ZNF521: variants seen among roughly 807,000 people sequenced by gnomAD.
The protein encoded by ZNF521 is LYST-interacting protein 3.
ZNF521 carries 14 observed loss-of-function variants against 105.5 expected under a neutral mutation model. The observed-to-expected ratio is 0.13, with a 90% confidence interval of 0.09 to 0.21. The LOEUF (loss-of-function observed/expected upper bound fraction) is 0.21. ZNF521 is among the 10% of genes least tolerant of loss of function. The pLI, the probability that ZNF521 is intolerant of heterozygous loss-of-function variation, is 1.00. For synonymous variants in ZNF521, 635 were observed against 606.0 expected (o/e 1.05, Z -0.70); for missense variants, 1,233 against 1,629.7 (o/e 0.76, Z 4.19).
In ZNF521 at chr18:25,286,870, G is replaced by C. The variant is rs1910734270; in HGVS notation, c.220+35138C>G. ...TAACACAAGATCCTCGGACTCCCTGGACTGAGGAAATGAAAGCACATACAA... is the reference window on the plus strand; with the variant it reads ...TAACACAAGATCCTCGGACTCCCTGCACTGAGGAAATGAAAGCACATACAA... On this transcript the variant is annotated intron_variant, in intron 3 of 7. Transcript: ENST00000361524. 2.0e-5 allele frequency among the ~76,000 whole-genome samples: 3 copies of C among 152,160 alleles called. No homozygotes were observed. The South Asian group carries it at 6.2e-4, about 32-fold the overall frequency.
Position 25,235,514 on chromosome 18 carries a change from T to A in ZNF521, c.221-7817A>T, listed in dbSNP as rs1387408134. 2.0e-5 allele frequency among the ~76,000 whole-genome samples: 3 copies of A among 152,162 alleles called. No individual in the cohort carries two copies. The South Asian group carries it at 6.2e-4, about 31-fold the overall frequency. On this transcript the variant is annotated intron_variant, in intron 3 of 7. Transcript: ENST00000361524. ...AGAACTGCCATAAACCACCAGAATT[T>A]TCAAAAAACGAAATCAAATTCTATT... is the stretch of plus-strand genomic sequence containing the variant.
chr18:25,260,041 G>GT (rs35411815), intron 3 of ZNF521, among the ~76,000 whole-genome samples: 2,334 of 152,304 alleles, frequency 0.015, 52 homozygotes, highest in East Asian at 0.083. Context: ...TGTAGGGAGT[G>GT]TAAGGTGCAT....
At chr18:25,124,751 G>T (rs1335202567) in intron 5 of ZNF521, among the ~76,000 whole-genome samples, 1 of 152,116 alleles carries the variant, frequency 6.6e-6, no homozygotes, top group Non-Finnish European at 1.5e-5. Flanking sequence ...AATAAGCAGA[G>T]ATATTTTGTT....
chr18:25,130,979 A>AATCC (rs1363276784), intron 5 of ZNF521, among the ~76,000 whole-genome samples: 1 of 145,484 alleles, frequency 6.9e-6, no homozygotes, highest in African/African-American at 2.5e-5. Flanking sequence ...TCAATCAATC[A>AATCC]ATCCTACACA....
At chr18:25,322,399 A>G in intron 2 of ZNF521, 1 of 662,776 alleles carries the variant, frequency 1.5e-6, no homozygotes, top group Non-Finnish European at 2.8e-6. Context: ...CCCTTTCCCC[A>G]CCATGTAGCC....
chr18:25,246,292 T>C (rs1183124901), intron 3 of ZNF521, among the ~76,000 whole-genome samples: 4 of 152,194 alleles, frequency 2.6e-5, no homozygotes, highest in Admixed American at 6.5e-5. Flanking sequence ...TTAAAATAGC[T>C]ATAAATGAGT....
At chr18:25,344,292 T>G (rs1012307916) in intron 2 of ZNF521, among the ~76,000 whole-genome samples, 1 of 152,110 alleles carries the variant, frequency 6.6e-6, no homozygotes, top group South Asian at 2.1e-4. Context: ...CATAATTATT[T>G]AAACCATTTA....
At chr18:25,207,828 C>T (rs76893393) in intron 4 of ZNF521, among the ~76,000 whole-genome samples, 4,889 of 152,250 alleles carry the variant, frequency 0.032, 111 homozygotes, top group East Asian at 0.065. Context: ...AAAAGTTCTG[C>T]ATAATCATTA....
At chr18:25,160,054 T>G (rs556330037) in intron 5 of ZNF521, among the ~76,000 whole-genome samples, 1 of 152,280 alleles carries the variant, frequency 6.6e-6, no homozygotes, top group African/African-American at 2.4e-5. Flanking sequence ...GATGAGGGTA[T>G]GCAAAGGCAC....
chr18:25,253,167 T>A (rs1349049469), intron 3 of ZNF521, among the ~76,000 whole-genome samples: 1 of 152,136 alleles, frequency 6.6e-6, no homozygotes, highest in Non-Finnish European at 1.5e-5. Context: ...TCCATACACC[T>A]CTTAAGATAA....
At chr18:25,333,223 A>AT (rs1406196465) in intron 2 of ZNF521, among the ~76,000 whole-genome samples, 1 of 150,566 alleles carries the variant, frequency 6.6e-6, no homozygotes, top group African/African-American at 2.5e-5. Flanking sequence ...GAAATGGCTG[A>AT]TAAATAAACA....
chr18:25,306,209 CTGAA>C (rs1237105437), intron 3 of ZNF521, among the ~76,000 whole-genome samples: 1 of 152,042 alleles, frequency 6.6e-6, no homozygotes, highest in Admixed American at 6.6e-5. Flanking sequence ...TTAATTACTA[CTGAA>C]TGATTACATT....
In ZNF521 at chr18:25,226,133, G is replaced by A. The variant is rs1042422203; in HGVS notation, c.1785C>T (p.Ile595=). 6.2e-7 allele frequency: 1 copy of A among 1,614,064 alleles called. No homozygotes were observed. Among genetic ancestry groups the A allele is most frequent in the Non-Finnish European group, 8.5e-7 (1 of 1,180,040 alleles). ...AGGCCCTGGATTTCTTCCCATTGTG[G>A]ATATAATTCAGGGCCAAGGGAATGT... ...HKNIPLALNY[I]HNGKKSRALS... The change falls in exon 4 of 8, where the codon ATC becomes ATT. Residue 595 remains isoleucine, a synonymous_variant. Coordinates refer to ENST00000361524, the MANE Select transcript of ZNF521 (RefSeq NM_015461.3). The surrounding 1 kb of genome is among the most constrained non-coding windows in gnomAD (Gnocchi z 4.1).
chr18:25,065,962 A>G (rs997565293), intron 7 of ZNF521, among the ~76,000 whole-genome samples: 3 of 152,230 alleles, frequency 2.0e-5, no homozygotes, highest in African/African-American at 7.2e-5. Flanking sequence ...TTTTGCATAT[A>G]AGAGAGAGGA....
intron 5 of ZNF521, among the ~76,000 whole-genome samples, chr18:25,142,441 A>G (rs1194081754): frequency 6.6e-6 from 1 of 152,174 alleles, no homozygotes; most frequent in Non-Finnish European, 1.5e-5. Context: ...ACATCATCGG[A>G]ACTGGCCTCA....
chr18:25,071,142 T>C (rs1018507255), intron 7 of ZNF521, among the ~76,000 whole-genome samples: 10 of 152,212 alleles, frequency 6.6e-5, no homozygotes, highest in Admixed American at 4.6e-4. Context: ...AGATGGTATT[T>C]TCCCCATTTT....
chr18:25,118,905 A>T (rs569838748), intron 5 of ZNF521, among the ~76,000 whole-genome samples: 2 of 152,140 alleles, frequency 1.3e-5, no homozygotes, highest in Non-Finnish European at 2.9e-5. Flanking sequence ...CAATAAAGAG[A>T]AGTTGAAAGC....
chr18:25,103,010 C>T (rs1370348207), intron 5 of ZNF521, among the ~76,000 whole-genome samples: 1 of 152,238 alleles, frequency 6.6e-6, no homozygotes, highest in East Asian at 1.9e-4. Context: ...TAAAGTCTCT[C>T]TCACCCCTTG....
Position 25,089,528 on chromosome 18 carries a change from T to C in ZNF521, c.3843A>G (p.Gln1281=), listed in dbSNP as rs1346366256. Residue 1281 remains glutamine, a synonymous_variant, in exon 7 of 8, where the codon CAA becomes CAG. Transcript: ENST00000361524. ...LQQHIFSAHG[Q]EDKIYDCTQC... ...GTGTACAGTCATAGATCTTGTCTTC[T>C]TGTCCATGGGCAGAGAAAATATGCT... The C allele has an allele frequency of 6.2e-7, 1 of 1,614,124 alleles. No homozygotes were observed. Among genetic ancestry groups the C allele is most frequent in the East Asian group, 2.2e-5 (1 of 44,896 alleles).
Sources: gnomAD v4.1 joint callset for allele counts (sites outside exome capture counted in the v4.1 genomes callset) on GRCh38, gnomAD v4.1.1 for gene constraint, Gnocchi (gnomAD v3.1) non-coding constraint, MANE v1.5 for transcripts, NCBI Gene and HGNC (gene_info 2026-07-23, HGNC 2026-07-21) for gene names.